The following SSH2 variants were observed in gnomAD, a reference collection of about 807,000 sequenced individuals.
SSH2 encodes the protein protein phosphatase Slingshot homolog 2.
A neutral mutation model predicts 135.2 loss-of-function variants in SSH2; 37 were observed. The observed-to-expected ratio is 0.27, with a 90% confidence interval of 0.21 to 0.36. The LOEUF (loss-of-function observed/expected upper bound fraction) is 0.36. SSH2 is among the 10% of genes least tolerant of loss of function. The probability of loss-of-function intolerance (pLI) is 1.00; values close to 1 mark genes in which losing one functional copy is unlikely to be tolerated. For synonymous variants in SSH2, 628 were observed against 646.2 expected (o/e 0.97, Z 0.43); for missense variants, 1,408 against 1,765.3 (o/e 0.80, Z 3.63).
intron 7 of SSH2, among the ~76,000 whole-genome samples, chr17:29,677,292 T>C (rs2037763218): frequency 6.6e-6 from 1 of 151,468 alleles, no homozygotes. Context: ...GTGGGGTCAC[T>C]GGAAGGAACT....
At chr17:29,792,195 G>T (rs1487056492) in intron 3 of SSH2, among the ~76,000 whole-genome samples, 1 of 151,912 alleles carries the variant, frequency 6.6e-6, no homozygotes, top group Non-Finnish European at 1.5e-5. Context: ...GAGCCACCGC[G>T]CCTGGCCTTT....
At chr17:29,741,921 C>G (rs1458459988) in intron 3 of SSH2, among the ~76,000 whole-genome samples, 1 of 142,498 alleles carries the variant, frequency 7.0e-6, no homozygotes, top group East Asian at 2.0e-4. Flanking sequence ...AGCCAGCAAT[C>G]TCATTTTTTT....
intron 3 of SSH2, among the ~76,000 whole-genome samples, chr17:29,726,972 T>C (rs2040022228): frequency 6.6e-6 from 1 of 152,238 alleles, no homozygotes; most frequent in African/African-American, 2.4e-5. Flanking sequence ...CAGCCAATCA[T>C]CCTGGACAAG....
intron 1 of SSH2, among the ~76,000 whole-genome samples, chr17:29,890,375 T>C (rs2066326051): frequency 6.6e-6 from 1 of 152,172 alleles, no homozygotes; most frequent in Non-Finnish European, 1.5e-5. Context: ...TACAGCACCA[T>C]TCATAATAGC....
At chr17:29,915,024 A>G (rs2066857070) in intron 1 of SSH2, among the ~76,000 whole-genome samples, 1 of 152,256 alleles carries the variant, frequency 6.6e-6, no homozygotes, top group Non-Finnish European at 1.5e-5. Context: ...CCATGGAATC[A>G]GCATAAAAAT....
intron 2 of SSH2, among the ~76,000 whole-genome samples, chr17:29,806,493 G>A (rs2042348352): frequency 6.6e-6 from 1 of 152,104 alleles, no homozygotes. Context: ...CCCCACACTT[G>A]GTCCATTTCC....
intron 1 of SSH2, among the ~76,000 whole-genome samples, chr17:29,903,205 C>T (rs1157378587): frequency 6.7e-6 from 1 of 148,766 alleles, no homozygotes; most frequent in Non-Finnish European, 1.5e-5. Flanking sequence ...TATATATATA[C>T]ACACACATAT....
chr17:29,783,089 G>T (rs2041875558), intron 3 of SSH2, among the ~76,000 whole-genome samples: 1 of 151,914 alleles, frequency 6.6e-6, no homozygotes, highest in African/African-American at 2.4e-5. Flanking sequence ...GTGCTGATTG[G>T]TTGGCTCAGA....
intron 3 of SSH2, among the ~76,000 whole-genome samples, chr17:29,728,946 C>A (rs1372566803): frequency 1.3e-5 from 2 of 152,148 alleles, no homozygotes; most frequent in African/African-American, 2.4e-5. Context: ...GAAACCACTA[C>A]AAGAAAACAC....
intron 14 of SSH2, chr17:29,645,212 T>C (rs184109707): frequency 2.0e-5 from 3 of 152,346 alleles, no homozygotes; most frequent in Admixed American, 6.5e-5. Flanking sequence ...TTTCATTTTA[T>C]AGATGGGGTC....
chr17:29,804,349 ACAGT>A (rs1194946712), intron 2 of SSH2, among the ~76,000 whole-genome samples: 2 of 152,206 alleles, frequency 1.3e-5, no homozygotes, highest in African/African-American at 2.4e-5. Flanking sequence ...GGTGTGAATC[ACAGT>A]CAGGATGGTC....
intron 3 of SSH2, among the ~76,000 whole-genome samples, chr17:29,724,539 A>AC (rs1555620977): frequency 1.3e-5 from 2 of 149,798 alleles, no homozygotes; most frequent in Non-Finnish European, 3.0e-5. Context: ...AAAAAAAAAA[A>AC]AAAAAAACAA....
Position 29,655,572 on chromosome 17 carries a change from T to C in SSH2, c.1068A>G (p.Leu356=), listed in dbSNP as rs1209231634. The change falls in exon 12 of 16, where the codon TTA becomes TTG. Residue 356 remains leucine (L), a synonymous_variant. Transcript: ENST00000540801. Reference sequence around the variant, plus strand: ...CTTTGTGTGCTTACCCTCGGTTCTGTAAGTCCTCTAAGTTGGAGGCATTCC... The same window carrying C: ...CTTTGTGTGCTTACCCTCGGTTCTGCAAGTCCTCTAAGTTGGAGGCATTCC... The part of the protein sequence containing the change: ...SEWNASNLED[L]QNRGVRYILN... The C allele has an allele frequency of 6.2e-7, 1 of 1,614,096 alleles. No homozygotes were observed. Among genetic ancestry groups the C allele is most frequent in the South Asian group, 1.1e-5 (1 of 91,084 alleles).
intron 1 of SSH2, among the ~76,000 whole-genome samples, chr17:29,871,027 T>C (rs2065929237): frequency 6.6e-6 from 1 of 152,186 alleles, no homozygotes; most frequent in Admixed American, 6.5e-5. Flanking sequence ...CTTTTTGAAG[T>C]TGTTATATTC....
At chr17:29,913,380 A>C (rs1426407537) in intron 1 of SSH2, among the ~76,000 whole-genome samples, 4 of 100,810 alleles carry the variant, frequency 4.0e-5, no homozygotes, top group Non-Finnish European at 8.0e-5. Context: ...ATATATATAT[A>C]TATCCAATTT....
chr17:29,761,145 C>T (rs1477015390), intron 3 of SSH2: 4 of 1,289,006 alleles, frequency 3.1e-6, no homozygotes, highest in South Asian at 2.5e-5. Context: ...GCGCGGCGGA[C>T]TCACAGCTGG....
intron 3 of SSH2, among the ~76,000 whole-genome samples, chr17:29,757,009 C>T (rs1353615082): frequency 6.6e-6 from 1 of 152,066 alleles, no homozygotes; most frequent in African/African-American, 2.4e-5. Flanking sequence ...TGAGAAAGGG[C>T]AAAAAGCTCT....
intron 3 of SSH2, among the ~76,000 whole-genome samples, chr17:29,725,594 T>C (rs1893090130): frequency 6.6e-6 from 1 of 152,224 alleles, no homozygotes; most frequent in African/African-American, 2.4e-5. Flanking sequence ...TTATGTCCTT[T>C]GCAGGGACAT....
At chr17:29,816,307 G>T (rs2042558705) in intron 2 of SSH2, among the ~76,000 whole-genome samples, 1 of 152,134 alleles carries the variant, frequency 6.6e-6, no homozygotes, top group South Asian at 2.1e-4. Context: ...TATAGAGGTA[G>T]ATCTATAGAG....
Sources: gnomAD v4.1 joint callset for allele counts (sites outside exome capture counted in the v4.1 genomes callset) on GRCh38, gnomAD v4.1.1 for gene constraint, MANE v1.5 for transcripts, NCBI Gene and HGNC (gene_info 2026-07-23, HGNC 2026-07-21) for gene names.